Variants in GLI3 observed in about 807,000 individuals in gnomAD.
The protein encoded by GLI3 is transcription activator GLI3.
GLI3 carries 20 observed loss-of-function variants against 100.8 expected under a neutral mutation model. The observed-to-expected ratio is 0.20, with a 90% CI of 0.14 to 0.29. The LOEUF (loss-of-function observed/expected upper bound fraction) is 0.29. GLI3 is among the 10% of genes least tolerant of loss of function. The pLI, the probability that GLI3 is intolerant of heterozygous loss-of-function variation, is 1.00. For missense variants in GLI3, 2,040 were observed against 2,128.5 expected (o/e 0.96, Z 0.82); for synonymous variants, 938 against 860.5 (o/e 1.09, Z -1.58).
intron 4 of GLI3, among the ~76,000 whole-genome samples, chr7:42,056,830 A>AAATAAATAAATAAAT (rs1784471602): frequency 7.9e-6 from 1 of 126,664 alleles, no homozygotes; most frequent in Non-Finnish European, 1.8e-5. Flanking sequence ...AATAAATAAA[A>AAATAAATAAATAAAT]AATTAGCCGG....
intron 10 of GLI3, among the ~76,000 whole-genome samples, chr7:42,018,647 G>A (rs1772145691): frequency 6.6e-6 from 1 of 152,148 alleles, no homozygotes; most frequent in Admixed American, 6.5e-5. Flanking sequence ...TGCTGCTGAT[G>A]TATAGAATTT....
chr7:42,226,208 G>A (rs1018037891), intron 1 of GLI3, among the ~76,000 whole-genome samples: 1 of 152,174 alleles, frequency 6.6e-6, no homozygotes, highest in Non-Finnish European at 1.5e-5. Flanking sequence ...TATTTGAGTA[G>A]AGTCTACAAC....
chr7:42,015,874 T>C (rs1788745725), intron 10 of GLI3, among the ~76,000 whole-genome samples: 4 of 152,230 alleles, frequency 2.6e-5, no homozygotes, highest in Admixed American at 2.6e-4. Flanking sequence ...TTTTCTTTAA[T>C]CACAATTTTT....
At chr7:42,002,701 A>G (rs752929333) in intron 10 of GLI3, among the ~76,000 whole-genome samples, 5 of 152,236 alleles carry the variant, frequency 3.3e-5, no homozygotes, top group Non-Finnish European at 5.9e-5. Context: ...TTGTACCACA[A>G]GCTGAAACAC....
intron 12 of GLI3, among the ~76,000 whole-genome samples, chr7:41,977,264 A>G (rs887274748): frequency 6.6e-6 from 1 of 152,190 alleles, no homozygotes; most frequent in Non-Finnish European, 1.5e-5. Context: ...CTCAGATTCC[A>G]AGTCAAATGC....
intron 4 of GLI3, among the ~76,000 whole-genome samples, chr7:42,057,017 T>C (rs1397062876): frequency 6.7e-6 from 1 of 148,852 alleles, no homozygotes; most frequent in Non-Finnish European, 1.5e-5. Flanking sequence ...ATTCTGAGTA[T>C]AAAAGGACTT....
intron 2 of GLI3, among the ~76,000 whole-genome samples, chr7:42,192,518 A>C (rs1365849965): frequency 6.6e-6 from 1 of 152,236 alleles, no homozygotes; most frequent in Non-Finnish European, 1.5e-5. Context: ...TGATGAAATT[A>C]TATTTGACAT....
At chr7:42,092,836 C>T (rs959934264) in intron 3 of GLI3, among the ~76,000 whole-genome samples, 1 of 148,846 alleles carries the variant, frequency 6.7e-6, no homozygotes, top group African/African-American at 2.6e-5. Context: ...TTTATAGAGA[C>T]GGAGTCTTGC....
chr7:42,036,439 G>A (rs1789440391), intron 7 of GLI3, among the ~76,000 whole-genome samples: 1 of 152,182 alleles, frequency 6.6e-6, no homozygotes, highest in African/African-American at 2.4e-5. Flanking sequence ...GAAACAAGAG[G>A]TACACAGTGA....
chr7:42,119,885 T>G (rs1211211444), intron 3 of GLI3, among the ~76,000 whole-genome samples: 1 of 152,166 alleles, frequency 6.6e-6, no homozygotes, highest in African/African-American at 2.4e-5. Flanking sequence ...AGTGTGAAAT[T>G]TGCTGAAATA....
At chr7:42,067,885 A>T (rs747413570) in intron 4 of GLI3, among the ~76,000 whole-genome samples, 1 of 152,234 alleles carries the variant, frequency 6.6e-6, no homozygotes, top group Non-Finnish European at 1.5e-5. Context: ...AAGAGTCCCA[A>T]CTGAGAACTT....
At chr7:42,171,904 T>G (rs566144140) in intron 2 of GLI3, among the ~76,000 whole-genome samples, 2 of 152,124 alleles carry the variant, frequency 1.3e-5, no homozygotes, top group Admixed American at 1.3e-4. Context: ...GGGGGCAGAG[T>G]TTCCCAACAA....
chr7:42,212,793 G>T (rs1341449888), intron 2 of GLI3, among the ~76,000 whole-genome samples: 1 of 152,294 alleles, frequency 6.6e-6, no homozygotes, highest in Admixed American at 6.5e-5. Flanking sequence ...CACAGAGAAT[G>T]GAGAAACACC....
At chr7:42,197,677 A>G (rs1481345733) in intron 2 of GLI3, among the ~76,000 whole-genome samples, 1 of 152,256 alleles carries the variant, frequency 6.6e-6, no homozygotes, top group Non-Finnish European at 1.5e-5. Context: ...TGTTCCGGTC[A>G]GCGGGAGGTA....
chr7:42,178,727 G>C (rs997617016), intron 2 of GLI3, among the ~76,000 whole-genome samples: 4 of 152,146 alleles, frequency 2.6e-5, no homozygotes, highest in Non-Finnish European at 5.9e-5. Context: ...TTACCAGGAG[G>C]AAAGGATAGT....
At chr7:42,119,027 G>A (rs1785929943) in intron 3 of GLI3, among the ~76,000 whole-genome samples, 2 of 152,186 alleles carry the variant, frequency 1.3e-5, no homozygotes, top group African/African-American at 4.8e-5. Context: ...AGGCAGCCAG[G>A]GCTGTAGGAG....
In GLI3 at chr7:42,077,508, AC is replaced by A. The variant is rs139546434; in HGVS notation, c.368-652del. Among the ~76,000 whole-genome samples the A allele has an allele frequency of 3.3e-4, 50 of 152,140 alleles. 2 individuals are homozygous for A. The East Asian group carries it at 8.6e-3, about 26-fold the overall frequency. ...CAGCCCTCCAGGAAGAGATAAGCTGACCCACTCAGACTCACAGACATCTAGA... is the reference window on the plus strand; with the variant it reads ...CAGCCCTCCAGGAAGAGATAAGCTGACCACTCAGACTCACAGACATCTAGA... On this transcript the variant is annotated intron_variant, in intron 3 of 14. Coordinates refer to ENST00000395925, the MANE Select transcript of GLI3 (RefSeq NM_000168.6).
intron 4 of GLI3, among the ~76,000 whole-genome samples, chr7:42,066,901 C>T (rs1784686413): frequency 6.6e-6 from 1 of 152,158 alleles, no homozygotes; most frequent in South Asian, 2.1e-4. Context: ...CCCCTCTTGA[C>T]TACTTCCTTT....
intron 13 of GLI3, among the ~76,000 whole-genome samples, chr7:41,969,657 C>T (rs1315874426): frequency 1.3e-5 from 2 of 152,218 alleles, no homozygotes; most frequent in African/African-American, 2.4e-5. Context: ...GACTCCTGGA[C>T]TGTCAAATCA....
Sources: allele counts gnomAD v4.1 joint callset (sites outside exome capture counted in the v4.1 genomes callset), GRCh38; gene constraint gnomAD v4.1.1; transcripts MANE v1.5; gene names NCBI Gene and HGNC (gene_info 2026-07-23, HGNC 2026-07-21).